Variants in TMEM163 observed in about 807,000 individuals in gnomAD.
The protein encoded by TMEM163 is transmembrane protein 163.
Under a neutral mutation model 29.3 loss-of-function variants are expected in TMEM163, and 17 were observed. The observed-to-expected ratio is 0.58, with a 90% CI of 0.40 to 0.87. The LOEUF is 0.87. TMEM163 is among the 40% of genes least tolerant of loss of function. The probability of loss-of-function intolerance (pLI) is 0.00; values close to 1 mark genes in which losing one functional copy is unlikely to be tolerated. For synonymous variants in TMEM163, 157 were observed against 160.6 expected (o/e 0.98, Z 0.17); for missense variants, 303 against 381.5 (o/e 0.79, Z 1.71).
intron 2 of TMEM163, among the ~76,000 whole-genome samples, chr2:134,594,685 C>T (rs994765145): frequency 6.6e-6 from 1 of 152,212 alleles, no homozygotes; most frequent in African/African-American, 2.4e-5. Flanking sequence ...AGGTCCATTT[C>T]GATCTACTGC....
intron 2 of TMEM163, among the ~76,000 whole-genome samples, chr2:134,570,494 ATAT>A (rs1681397515): frequency 1.5e-5 from 2 of 133,688 alleles, no homozygotes; most frequent in African/African-American, 7.9e-5. Context: ...ATACATATAC[ATAT>A]ACATATACAT....
At chr2:134,684,787 G>T (rs1011089904) in intron 2 of TMEM163, among the ~76,000 whole-genome samples, 1 of 152,036 alleles carries the variant, frequency 6.6e-6, no homozygotes, top group Non-Finnish European at 1.5e-5. Flanking sequence ...TGCCAGTGTG[G>T]TGGTGGGCAC....
At chr2:134,618,304 T>A (rs1009265746) in intron 2 of TMEM163, among the ~76,000 whole-genome samples, 1 of 152,178 alleles carries the variant, frequency 6.6e-6, no homozygotes, top group Non-Finnish European at 1.5e-5. Context: ...TGAGGACTAT[T>A]ACTAGAGGTA....
rs866171333 is a variant in TMEM163 at position 134,481,381 on chromosome 2, G to T, written c.556-15156C>A. Among the ~76,000 whole-genome samples, 220 of 151,576 alleles carry T rather than the reference G, an allele frequency of 1.5e-3. 2 individuals are homozygous for T. The highest frequency in any genetic ancestry group is 3.6e-3 in the South Asian group (17 of 4,768). On this transcript the variant is annotated intron_variant, in intron 5 of 7. Transcript: ENST00000281924. ...TAGTGGGAGGTAATTGAATCATGGG[G>T]GGGGGGGGAGCTTTTCCTGTGCTAT...
intron 2 of TMEM163, among the ~76,000 whole-genome samples, chr2:134,563,944 C>T (rs1379362739): frequency 6.6e-6 from 1 of 152,052 alleles, no homozygotes; most frequent in African/African-American, 2.4e-5. Flanking sequence ...CCCAGCTACT[C>T]GGGAGGCTGA....
At chr2:134,533,063 C>G (rs1206062045) in intron 4 of TMEM163, among the ~76,000 whole-genome samples, 1 of 152,094 alleles carries the variant, frequency 6.6e-6, no homozygotes, top group Non-Finnish European at 1.5e-5. Context: ...CCCCACATCT[C>G]AAGCACAGGG....
Position 134,549,674 on chromosome 2 carries a change from C to T in TMEM163, c.458+896G>A, listed in dbSNP as rs531757823. Reference sequence around the variant, plus strand: ...AGTACTTTCCATCTGGATACCACTACAAACCACAGAAAGGGGCATTTACTC... The same window carrying T: ...AGTACTTTCCATCTGGATACCACTATAAACCACAGAAAGGGGCATTTACTC... On this transcript the variant is annotated intron_variant, in intron 4 of 7. Transcript: ENST00000281924. Among the ~76,000 whole-genome samples the T allele has an allele frequency of 2.0e-5, 3 of 152,304 alleles. No homozygotes were observed. The South Asian group carries it at 6.2e-4, about 32-fold the overall frequency.
chr2:134,605,926 A>C (rs576468969), intron 2 of TMEM163, among the ~76,000 whole-genome samples: 41 of 152,276 alleles, frequency 2.7e-4, no homozygotes, highest in Non-Finnish European at 4.4e-4. Context: ...CATACACACA[A>C]AAAAAATCTG....
At chr2:134,552,295 C>A (rs980597391) in intron 2 of TMEM163, among the ~76,000 whole-genome samples, 6 of 152,176 alleles carry the variant, frequency 3.9e-5, no homozygotes, top group African/African-American at 1.4e-4. Flanking sequence ...GCAACAACTT[C>A]CCCTCACAGT....
chr2:134,482,158 CCATA>C (rs1404202201), intron 5 of TMEM163, among the ~76,000 whole-genome samples: 1 of 152,162 alleles, frequency 6.6e-6, no homozygotes, highest in Non-Finnish European at 1.5e-5. Context: ...CCCCATTTTC[CCATA>C]CAGTCTCATC....
intron 2 of TMEM163, among the ~76,000 whole-genome samples, chr2:134,685,365 T>C (rs1029595273): frequency 6.6e-6 from 1 of 152,182 alleles, no homozygotes; most frequent in Non-Finnish European, 1.5e-5. Flanking sequence ...GAAAGAGCTG[T>C]GAGTAGGTAG....
At chr2:134,536,797 C>T (rs1202416324) in intron 4 of TMEM163, among the ~76,000 whole-genome samples, 1 of 152,150 alleles carries the variant, frequency 6.6e-6, no homozygotes, top group African/African-American at 2.4e-5. Flanking sequence ...TATACAAAAA[C>T]CCCTTGACTC....
intron 4 of TMEM163, among the ~76,000 whole-genome samples, chr2:134,522,279 C>T (rs148939804): frequency 2.6e-5 from 4 of 152,334 alleles, no homozygotes; most frequent in African/African-American, 4.8e-5. Flanking sequence ...GAGAGACTGG[C>T]ACTGCCCACT....
chr2:134,583,631 C>T (rs1472225304), intron 2 of TMEM163, among the ~76,000 whole-genome samples: 1 of 152,214 alleles, frequency 6.6e-6, no homozygotes, highest in Non-Finnish European at 1.5e-5. Context: ...GGGTTCACCA[C>T]ATCCATGCAG....
chr2:134,615,651 C>CTTTT (rs35159964), intron 2 of TMEM163, among the ~76,000 whole-genome samples: 22 of 79,158 alleles, frequency 2.8e-4, no homozygotes, highest in East Asian at 6.3e-4. Flanking sequence ...AAGAGCAGAG[C>CTTTT]TTTTTTTTTT....
At chr2:134,461,248 CT>C (rs1202317691) in intron 6 of TMEM163, among the ~76,000 whole-genome samples, 5 of 152,366 alleles carry the variant, frequency 3.3e-5, no homozygotes, top group African/African-American at 1.2e-4. Context: ...ACCAGTCTGG[CT>C]TTGCCAACTG....
At chr2:134,681,460 C>T (rs1033146340) in intron 2 of TMEM163, among the ~76,000 whole-genome samples, 2 of 152,198 alleles carry the variant, frequency 1.3e-5, no homozygotes, top group African/African-American at 4.8e-5. Context: ...CTTTGAAGAA[C>T]TCTGCCTTCT....
Position 134,456,130 on chromosome 2 carries a change from G to A in TMEM163, c.*586C>T, listed in dbSNP as rs896446409. On this transcript the variant is annotated 3_prime_UTR_variant, in exon 8 of 8. Coordinates refer to ENST00000281924, the MANE Select transcript of TMEM163 (RefSeq NM_030923.5). ...TAATTCGTCCATGCAAAGCTTATAC[G>A]TGTATCACTAAGTACTTTAAAAAAT... The A allele has an allele frequency of 1.9e-4, 29 of 152,874 alleles. No homozygotes were observed. The highest frequency in any genetic ancestry group is 6.8e-4 in the African/African-American group (28 of 41,424). 9.5% of individuals were successfully genotyped at this position (152,874 alleles called of 1,614,324 possible).
intron 2 of TMEM163, among the ~76,000 whole-genome samples, chr2:134,699,255 G>A (rs1684644307): frequency 6.6e-6 from 1 of 152,170 alleles, no homozygotes; most frequent in Admixed American, 6.5e-5. Context: ...TGTAATCCCA[G>A]TACTTTGGGA....
Sources: allele counts gnomAD v4.1 joint callset (sites outside exome capture counted in the v4.1 genomes callset), GRCh38; gene constraint gnomAD v4.1.1; transcripts MANE v1.5; gene names NCBI Gene and HGNC (gene_info 2026-07-23, HGNC 2026-07-21).